The following DNAAF9 variants were observed in gnomAD, a reference collection of about 807,000 sequenced individuals.
DNAAF9 encodes dynein axonemal assembly factor 9.
A neutral mutation model predicts 167.0 loss-of-function variants in DNAAF9; 90 were observed. The ratio of observed to expected loss-of-function variants is 0.54; its 90% CI spans 0.45 to 0.64. The LOEUF (loss-of-function observed/expected upper bound fraction) is 0.64. DNAAF9 is among the 30% of genes least tolerant of loss of function. The probability of loss-of-function intolerance (pLI) is 0.00; values close to 1 mark genes in which losing one functional copy is unlikely to be tolerated. For missense variants in DNAAF9, 1,315 were observed against 1,442.2 expected (o/e 0.91, Z 1.43); for synonymous variants, 491 against 508.8 (o/e 0.96, Z 0.47).
chr20:3,339,931 C>T (rs1363980146), intron 10 of DNAAF9, among the ~76,000 whole-genome samples: 2 of 152,188 alleles, frequency 1.3e-5, no homozygotes, highest in Admixed American at 6.5e-5. Flanking sequence ...ACCTACTAAC[C>T]ACAGCTTTCC....
At chr20:3,393,920 T>C (rs2083863506) in intron 1 of DNAAF9, among the ~76,000 whole-genome samples, 1 of 152,218 alleles carries the variant, frequency 6.6e-6, no homozygotes, top group Admixed American at 6.5e-5. Context: ...ACAAGGGAAG[T>C]TGTCAAATGT....
chr20:3,291,042 G>A (rs1032097455), intron 25 of DNAAF9, among the ~76,000 whole-genome samples: 2 of 152,062 alleles, frequency 1.3e-5, no homozygotes, highest in Non-Finnish European at 2.9e-5. Flanking sequence ...ACCCGCCTTG[G>A]CCTCCCAAAG....
intron 20 of DNAAF9, among the ~76,000 whole-genome samples, chr20:3,310,286 GAAAGA>G (rs1294506102): frequency 2.0e-4 from 27 of 132,534 alleles, no homozygotes; most frequent in African/African-American, 2.9e-4. Context: ...AGAAAGGAAA[GAAAGA>G]AAAGAAAAAA....
intron 1 of DNAAF9, among the ~76,000 whole-genome samples, chr20:3,401,144 C>G (rs564395786): frequency 6.6e-6 from 1 of 152,300 alleles, no homozygotes; most frequent in South Asian, 2.1e-4. Flanking sequence ...GAAGAGATAA[C>G]TAACCTCTGT....
chr20:3,278,981 AC>A, intron 28 of DNAAF9, 32 bp from the exon 29 acceptor site: 3 of 1,496,940 alleles, frequency 2.0e-6, no homozygotes, highest in Non-Finnish European at 2.8e-6. Context: ...ATATTTAAAA[AC>A]CATTCACCTC....
chr20:3,264,032 C>T (rs923712979), intron 31 of DNAAF9, among the ~76,000 whole-genome samples: 4 of 152,128 alleles, frequency 2.6e-5, no homozygotes, highest in African/African-American at 9.7e-5. Context: ...ATTCCCTGGG[C>T]CATATGAGCA....
At position 3,398,090 on chromosome 20, in the gene DNAAF9, T is replaced by C. The variant is rs115524701; in HGVS notation, c.83+9385A>G. Among the ~76,000 whole-genome samples the C allele has an allele frequency of 2.7e-3, 412 of 152,268 alleles. 1 individual carries two copies. The highest frequency in any genetic ancestry group is 9.3e-3 in the African/African-American group (387 of 41,524). On this transcript the variant is annotated intron_variant, in intron 1 of 36. Transcript: ENST00000252032. ...GCAAGTCAGGTCAACTGGAGTCCTT[T>C]CCAGGGCTATCTCACTCTAAAGCTA...
intron 33 of DNAAF9, among the ~76,000 whole-genome samples, chr20:3,258,690 C>A (rs151149816): frequency 1.8e-4 from 27 of 152,214 alleles, no homozygotes; most frequent in African/African-American, 5.5e-4. Flanking sequence ...AAGGGGAGGA[C>A]ACGAAGACAT....
At position 3,259,911 on chromosome 20, in the gene DNAAF9, T is replaced by C; in HGVS notation, c.2980+11A>G. The C allele has an allele frequency of 6.5e-7, 1 of 1,530,892 alleles. No homozygotes were observed. The highest frequency in any genetic ancestry group is 1.1e-5 in the South Asian group (1 of 89,312). 94.8% of individuals were successfully genotyped at this position (1,530,892 alleles called of 1,614,324 possible). A position where few individuals can be genotyped will look rare whatever the true frequency, so the allele number is the denominator to read the frequency against. On this transcript the variant is annotated intron_variant, in intron 32 of 36. Transcript: ENST00000252032. ...TTTTCCAGTGTCTAGGACATCTCAG[T>C]CAAGGCTTACCTTTACATTTGGCCA...
chr20:3,273,723 A>G (rs972831134), intron 29 of DNAAF9, among the ~76,000 whole-genome samples: 5 of 152,212 alleles, frequency 3.3e-5, no homozygotes, highest in African/African-American at 1.2e-4. Flanking sequence ...TTATGTTTCA[A>G]CATGAGATTT....
intron 14 of DNAAF9, among the ~76,000 whole-genome samples, chr20:3,324,368 C>T (rs936442266): frequency 8.6e-5 from 13 of 152,042 alleles, no homozygotes; most frequent in African/African-American, 3.1e-4. Flanking sequence ...GTTAAGTGGA[C>T]TGGGTTCATG....
At chr20:3,270,804 T>A (rs539748666) in intron 29 of DNAAF9, among the ~76,000 whole-genome samples, 2 of 142,090 alleles carry the variant, frequency 1.4e-5, no homozygotes, top group East Asian at 4.2e-4. Flanking sequence ...ACCCCTAACT[T>A]CCTCTATCTT....
At chr20:3,275,924 T>C (rs868441307) in intron 29 of DNAAF9, among the ~76,000 whole-genome samples, 1 of 152,230 alleles carries the variant, frequency 6.6e-6, no homozygotes, top group Non-Finnish European at 1.5e-5. Context: ...ACTTCTTCTA[T>C]CTACAGATGC....
intron 7 of DNAAF9, among the ~76,000 whole-genome samples, chr20:3,349,769 A>C (rs1350980865): frequency 6.6e-6 from 1 of 152,110 alleles, no homozygotes; most frequent in Non-Finnish European, 1.5e-5. Flanking sequence ...TAACAAAAAA[A>C]CCCCACCAAT....
At chr20:3,339,918 A>T (rs1247689886) in intron 10 of DNAAF9, among the ~76,000 whole-genome samples, 3 of 152,240 alleles carry the variant, frequency 2.0e-5, no homozygotes, top group African/African-American at 7.2e-5. Flanking sequence ...CAAAAAAACT[A>T]GTACCTACTA....
intron 6 of DNAAF9, among the ~76,000 whole-genome samples, chr20:3,363,527 A>T (rs915246860): frequency 2.0e-5 from 3 of 146,800 alleles, no homozygotes; most frequent in Non-Finnish European, 4.5e-5. Context: ...ATGCAAAGCA[A>T]ACTCTTTTTT....
At position 3,281,786 on chromosome 20, in the gene DNAAF9, AATG is replaced by A; in HGVS notation, c.2487-23_2487-21del. ...GTGTAGCTGGGGAAGGTAAAAAAGG[AATG>A]ATTAGTTCACTGACTGGCATTGCAA... On this transcript the variant is annotated intron_variant, in intron 27 of 36. Transcript: ENST00000252032. 6.2e-7 allele frequency: 1 copy of A among 1,602,708 alleles called. No individual in the cohort carries two copies. The highest frequency in any genetic ancestry group is 8.5e-7 in the Non-Finnish European group (1 of 1,175,164).
At chr20:3,310,333 A>AAAAGAAAGAAAGAAAG (rs376196616) in intron 20 of DNAAF9, among the ~76,000 whole-genome samples, 11,703 of 105,940 alleles carry the variant, frequency 0.11, 930 homozygotes, top group East Asian at 0.12. Context: ...AAGAGAAAGA[A>AAAAGAAAGAAAGAAAG]AAAGAAAGAA....
chr20:3,270,677 T>A, intron 29 of DNAAF9, 115 bp from the exon 30 acceptor site: 1 of 812,790 alleles, frequency 1.2e-6, no homozygotes. Context: ...AGTCTCCTGA[T>A]GGAGACAACC....
Sources: gnomAD v4.1 joint callset for allele counts (sites outside exome capture counted in the v4.1 genomes callset) on GRCh38, gnomAD v4.1.1 for gene constraint, MANE v1.5 for transcripts, NCBI Gene and HGNC (gene_info 2026-07-23, HGNC 2026-07-21) for gene names.